The following TM4SF18 variants were observed in gnomAD, a reference collection of about 807,000 sequenced individuals.
TM4SF18 encodes the protein transmembrane 4 L six family member 18.
A neutral mutation model predicts 23.8 loss-of-function variants in TM4SF18; 22 were observed. The ratio of observed to expected loss-of-function variants is 0.92; its 90% CI spans 0.66 to 1.32. TM4SF18 has a LOEUF of 1.32. TM4SF18 is among the 40% of genes most tolerant of loss of function. The pLI is 0.00. For missense variants in TM4SF18, 255 were observed against 240.3 expected (o/e 1.06, Z -0.41); for synonymous variants, 87 against 87.9 (o/e 0.99, Z 0.06).
chr3:149,333,576 G>A lies in TM4SF18; in HGVS notation c.-81C>T, dbSNP rs893947221. 1.7e-5 allele frequency: 7 copies of A among 419,326 alleles called. No homozygotes were observed. Among genetic ancestry groups the A allele is most frequent in the Admixed American group, 9.5e-5 (2 of 20,992 alleles). 26.0% of individuals were successfully genotyped at this position (419,326 alleles called of 1,614,324 possible). A position where few individuals can be genotyped will look rare whatever the true frequency, so the allele number is the denominator to read the frequency against. On this transcript the variant is annotated 5_prime_UTR_variant, in exon 1 of 6. Transcript: ENST00000296059. ...GGAGACGGGGAATTGGAATATACCC[G>A]CAGCCGACAATCTCAGTGTGAAATA... is the stretch of plus-strand genomic sequence containing the variant.
chr3:149,326,250 T>A (rs1179613279), intron 3 of TM4SF18, among the ~76,000 whole-genome samples: 3 of 152,206 alleles, frequency 2.0e-5, no homozygotes, highest in Non-Finnish European at 2.9e-5. Flanking sequence ...TGTTAAACTG[T>A]TTTTAAGAAT....
rs927122476 is a variant in TM4SF18, at chr3:149,320,025, G to A, written c.*1453C>T. 1.7e-4 allele frequency: 26 copies of A among 152,280 alleles called. No individual in the cohort carries two copies. Among genetic ancestry groups the A allele is most frequent in the Non-Finnish European group, 4.4e-5 (3 of 68,076 alleles). 9.4% of individuals were successfully genotyped at this position (152,280 alleles called of 1,614,324 possible). On this transcript the variant is annotated 3_prime_UTR_variant, in exon 6 of 6. Coordinates refer to ENST00000296059, the MANE Select transcript of TM4SF18 (RefSeq NM_138786.4). ...CTTTCAAGATGCTTGTTTCAGCAAA[G>A]GCTGTGAACAAGGCTTAAAGGGGGC...
Position 149,318,910 on chromosome 3 carries a change from TTTTAC to T in TM4SF18, c.*2563_*2567del, listed in dbSNP as rs1485322423. On this transcript the variant is annotated 3_prime_UTR_variant, in exon 6 of 6. Coordinates refer to ENST00000296059, the MANE Select transcript of TM4SF18 (RefSeq NM_138786.4). ...ATTTGGTTTTTGAGTTTTTTTTCCT[TTTTAC>T]TTTGAATTCACGAGGATATAAAACA... 8.5e-5 allele frequency: 13 copies of T among 152,258 alleles called. No individual in the cohort carries two copies. Among genetic ancestry groups the T allele is most frequent in the African/African-American group, 2.9e-4 (12 of 41,470 alleles). The allele number at this position is 152,258 out of a possible 1,614,324, so 9.4% of individuals were successfully genotyped here. A position where few individuals can be genotyped will look rare whatever the true frequency, so the allele number is the denominator to read the frequency against.
chr3:149,322,369 T>G lies in TM4SF18; in HGVS notation c.478A>C (p.Ile160Leu). Residue 160 changes from isoleucine (I) to leucine (L), a missense_variant, in exon 5 of 6, where the codon ATT becomes CTT. Coordinates refer to ENST00000296059, the MANE Select transcript of TM4SF18 (RefSeq NM_138786.4). ...EPAHVVEWNI[I>L]LFSILITLSG... ...AGGGTTATGAGAATGGAAAATAAAA[T>G]GATGTTCCACTCCACAACATGTGCA... 3.1e-6 allele frequency: 5 copies of G among 1,613,996 alleles called. No homozygotes were observed. The highest frequency in any genetic ancestry group is 4.2e-6 in the Non-Finnish European group (5 of 1,179,978).
At chr3:149,325,116 C>A (rs1327354045) in intron 3 of TM4SF18, 94 bp from the exon 4 acceptor site, 2 of 1,254,886 alleles carry the variant, frequency 1.6e-6, no homozygotes, top group Non-Finnish European at 2.3e-6. Flanking sequence ...CCTATTCACC[C>A]AAGCTCATGC....
rs902737695 is a variant in TM4SF18 at position 149,327,552 on chromosome 3, A to G, written c.268-2530T>C. On this transcript the variant is annotated intron_variant, in intron 3 of 5. Transcript: ENST00000296059. ...CAAGAAAGGTTATTTGGTTTGGGGG[A>G]AAAATTAGCTTTAGAAATGTTGATT... is the stretch of plus-strand genomic sequence containing the variant. Among the ~76,000 whole-genome samples the G allele has an allele frequency of 5.3e-5, 8 of 152,110 alleles. No homozygotes were observed. In the East Asian group the frequency reaches 1.4e-3, roughly 26 times the overall value.
intron 4 of TM4SF18, 79 bp downstream of exon 4, chr3:149,324,801 G>A: frequency 1.3e-6 from 2 of 1,580,934 alleles, no homozygotes; most frequent in Non-Finnish European, 1.7e-6. Context: ...AGTGATCATG[G>A]AAAATGAGCG....
chr3:149,324,020 T>A (rs1324275148), intron 4 of TM4SF18, among the ~76,000 whole-genome samples: 1 of 152,200 alleles, frequency 6.6e-6, no homozygotes, highest in African/African-American at 2.4e-5. Context: ...CAGATGGACA[T>A]GGGCCTTGAA....
chr3:149,321,874 A>C (rs1174938327), intron 5 of TM4SF18, among the ~76,000 whole-genome samples: 1 of 152,210 alleles, frequency 6.6e-6, no homozygotes, highest in Non-Finnish European at 1.5e-5. Context: ...TCAGAAGAGA[A>C]GTTATTTCAA....
rs34338382 is a variant in TM4SF18, at chr3:149,322,905, C to CTTTT, written c.411-473_411-470dup. Among the ~76,000 whole-genome samples the CTTTT allele has an allele frequency of 8.0e-4, 103 of 128,782 alleles. 2 individuals carry two copies. Among genetic ancestry groups the CTTTT allele is most frequent in the Middle Eastern group, 4.2e-3 (1 of 236 alleles). The allele number at this position is 128,782 out of a possible 152,430, so 84.5% of individuals were successfully genotyped here. ...GAACTTTACCCCTCTGGCCTCCAGACTTTTTTTTTTTTTTTTGAGACGGAG... is the reference window on the plus strand; with the variant it reads ...GAACTTTACCCCTCTGGCCTCCAGACTTTTTTTTTTTTTTTTTTTTGAGACGGAG... On this transcript the variant is annotated intron_variant, in intron 4 of 5. Transcript: ENST00000296059.
At chr3:149,331,990 A>G (rs553013342) in intron 2 of TM4SF18, among the ~76,000 whole-genome samples, 2 of 152,336 alleles carry the variant, frequency 1.3e-5, no homozygotes, top group Non-Finnish European at 2.9e-5. Context: ...AGCCACAAAC[A>G]TCTGCACACA....
At chr3:149,323,560 T>C (rs1730863421) in intron 4 of TM4SF18, among the ~76,000 whole-genome samples, 1 of 152,200 alleles carries the variant, frequency 6.6e-6, no homozygotes, top group African/African-American at 2.4e-5. Flanking sequence ...TTCATGGACA[T>C]TTATCAGTTC....
intron 3 of TM4SF18, 194 bp downstream of exon 3, chr3:149,330,136 A>G: frequency 2.6e-6 from 1 of 385,876 alleles, no homozygotes; most frequent in South Asian, 1.4e-4. Flanking sequence ...TGATTTTCTG[A>G]AAGTGCATCA....
intron 4 of TM4SF18, among the ~76,000 whole-genome samples, chr3:149,324,278 G>A (rs567611841): frequency 6.6e-6 from 1 of 152,276 alleles, no homozygotes; most frequent in Admixed American, 6.5e-5. Flanking sequence ...TTCTGAGCAA[G>A]GCTACCTCTT....
At chr3:149,322,802 G>C (rs985775389) in intron 4 of TM4SF18, among the ~76,000 whole-genome samples, 1 of 151,880 alleles carries the variant, frequency 6.6e-6, no homozygotes, top group Non-Finnish European at 1.5e-5. Context: ...ATTGTTAATG[G>C]CTCTTGTCTC....
chr3:149,322,194 A>G, intron 5 of TM4SF18, 62 bp downstream of exon 5: 1 of 1,434,390 alleles, frequency 7.0e-7, no homozygotes, highest in Non-Finnish European at 9.5e-7. Flanking sequence ...AAAAAGCCTC[A>G]TTGAATCCTG....
chr3:149,332,418 T>C (rs1576835194), intron 2 of TM4SF18, among the ~76,000 whole-genome samples: 1 of 152,180 alleles, frequency 6.6e-6, no homozygotes, highest in East Asian at 1.9e-4. Flanking sequence ...TTCCTCTGAG[T>C]TGCCAACATG....
At chr3:149,333,144 T>G in intron 2 of TM4SF18, 62 bp downstream of exon 2, 1 of 1,433,944 alleles carries the variant, frequency 7.0e-7, no homozygotes, top group South Asian at 1.3e-5. Flanking sequence ...CTTCTACTAG[T>G]TACAAGGTAA....
chr3:149,329,385 G>A (rs551701871), intron 3 of TM4SF18, among the ~76,000 whole-genome samples: 1 of 152,032 alleles, frequency 6.6e-6, no homozygotes, highest in East Asian at 1.9e-4. Flanking sequence ...CTAAATCAGG[G>A]ACTCTGGGGA....
Sources: gnomAD v4.1 joint callset for allele counts (sites outside exome capture counted in the v4.1 genomes callset) on GRCh38, gnomAD v4.1.1 for gene constraint, MANE v1.5 for transcripts, NCBI Gene and HGNC (gene_info 2026-07-23, HGNC 2026-07-21) for gene names.